ADAMTSL3: variants seen among roughly 807,000 people sequenced by gnomAD.
ADAMTSL3 encodes ADAMTS like 3, also known as ADAMTS-like protein 3.
In ADAMTSL3, 128 loss-of-function variants were observed where a neutral mutation model predicts 201.7. The ratio of observed to expected loss-of-function variants is 0.63; its 90% CI spans 0.55 to 0.73. The LOEUF is 0.73. Ranked by LOEUF, ADAMTSL3 falls within the 30% of genes least tolerant of loss-of-function variation. The probability of loss-of-function intolerance (pLI) is 0.00; values close to 1 mark genes in which losing one functional copy is unlikely to be tolerated. For synonymous variants in ADAMTSL3, 738 were observed against 748.4 expected (o/e 0.99, Z 0.23); for missense variants, 1,990 against 2,119.6 (o/e 0.94, Z 1.20).
chr15:83,802,915 A>G (rs2063547038), intron 4 of ADAMTSL3, among the ~76,000 whole-genome samples: 1 of 152,236 alleles, frequency 6.6e-6, no homozygotes, highest in Non-Finnish European at 1.5e-5. Flanking sequence ...CAATGTGAAC[A>G]TACTTAAACA....
At chr15:83,684,125 G>C (rs1244400303) in intron 2 of ADAMTSL3, among the ~76,000 whole-genome samples, 1 of 152,116 alleles carries the variant, frequency 6.6e-6, no homozygotes, top group Non-Finnish European at 1.5e-5. Context: ...TATCTTGTCA[G>C]CATCCTTGCT....
intron 15 of ADAMTSL3, among the ~76,000 whole-genome samples, chr15:83,899,982 A>G (rs991010912): frequency 1.3e-5 from 2 of 152,246 alleles, no homozygotes; most frequent in African/African-American, 4.8e-5. Flanking sequence ...GTGGTCTGCT[A>G]CACTTAAGAG....
intron 17 of ADAMTSL3, among the ~76,000 whole-genome samples, chr15:83,933,725 T>C (rs1253796712): frequency 6.6e-6 from 1 of 152,204 alleles, no homozygotes; most frequent in African/African-American, 2.4e-5. Flanking sequence ...GATGGTTTCA[T>C]GCTCTAGTCC....
At chr15:83,711,049 G>T (rs1039763281) in intron 3 of ADAMTSL3, among the ~76,000 whole-genome samples, 3 of 152,154 alleles carry the variant, frequency 2.0e-5, no homozygotes, top group African/African-American at 7.2e-5. Flanking sequence ...AATGAAGTCT[G>T]TGTAGTCTTA....
chr15:83,860,329 G>A (rs1311669982), intron 8 of ADAMTSL3, among the ~76,000 whole-genome samples: 1 of 152,188 alleles, frequency 6.6e-6, no homozygotes, highest in Non-Finnish European at 1.5e-5. Context: ...CAGTGAATAT[G>A]GCCGATCAGA....
At chr15:83,744,165 T>TA (rs1211087451) in intron 3 of ADAMTSL3, among the ~76,000 whole-genome samples, 4 of 152,150 alleles carry the variant, frequency 2.6e-5, no homozygotes, top group Non-Finnish European at 5.9e-5. Context: ...TTTTTTATTT[T>TA]AAAAAAAGGC....
At chr15:83,985,006 A>G (rs936000296) in intron 21 of ADAMTSL3, among the ~76,000 whole-genome samples, 16 of 152,244 alleles carry the variant, frequency 1.1e-4, no homozygotes, top group African/African-American at 3.9e-4. Flanking sequence ...TGAAATGTGC[A>G]ATCTGAAACT....
intron 3 of ADAMTSL3, among the ~76,000 whole-genome samples, chr15:83,719,464 C>T (rs1264374316): frequency 6.6e-6 from 1 of 152,108 alleles, no homozygotes; most frequent in Non-Finnish European, 1.5e-5. Flanking sequence ...CTCTTTATGA[C>T]ATTTATAAGA....
chr15:83,920,476 A>G (rs2066118674), intron 16 of ADAMTSL3, among the ~76,000 whole-genome samples: 1 of 152,246 alleles, frequency 6.6e-6, no homozygotes, highest in Admixed American at 6.5e-5. Flanking sequence ...CTTGCATTTT[A>G]ACACCAAACA....
At chr15:83,992,567 A>T (rs896339400) in intron 23 of ADAMTSL3, among the ~76,000 whole-genome samples, 18 of 152,234 alleles carry the variant, frequency 1.2e-4, no homozygotes, top group African/African-American at 4.3e-4. Flanking sequence ...CCTGCAGAGG[A>T]TTCTGAAAAA....
intron 3 of ADAMTSL3, among the ~76,000 whole-genome samples, chr15:83,757,328 C>G (rs2062737523): frequency 6.6e-6 from 1 of 152,248 alleles, no homozygotes; most frequent in African/African-American, 2.4e-5. Flanking sequence ...CTTGACTTCT[C>G]TGCACCCACA....
chr15:83,959,871 C>T (rs545366239), intron 19 of ADAMTSL3, among the ~76,000 whole-genome samples: 1 of 152,184 alleles, frequency 6.6e-6, no homozygotes, highest in Admixed American at 6.5e-5. Flanking sequence ...GAAGACTTTG[C>T]TCCAGAAAAA....
In ADAMTSL3 at chr15:83,858,752, C is replaced by T; in HGVS notation, c.728-14C>T. On this transcript the variant is annotated splice_polypyrimidine_tract_variant and intron_variant, in intron 7 of 29. Transcript: ENST00000286744. ...GTACTGGTTTTATTGCAGTTGCGTT[C>T]TGTTCTTTCCCAGGAGAAGAAAATG... 1 of 1,608,654 alleles carries T rather than the reference C, an allele frequency of 6.2e-7. No homozygotes were observed. The highest frequency in any genetic ancestry group is 8.5e-7 in the Non-Finnish European group (1 of 1,177,600).
chr15:83,913,069 G>T, intron 15 of ADAMTSL3, 23 bp from the exon 16 acceptor site: 1 of 1,608,042 alleles, frequency 6.2e-7, no homozygotes, highest in Non-Finnish European at 8.5e-7. Context: ...GTCCTTTTCT[G>T]GTGGCTTCCT....
rs186888016 is a variant in ADAMTSL3, at chr15:83,684,587, A to G, written c.70-19802A>G. Reference sequence around the variant, plus strand: ...AAGACCCCATCTCTAGGGAAAAAAAACAACCAAAAAACCCACTTTATATAA... The same window carrying G: ...AAGACCCCATCTCTAGGGAAAAAAAGCAACCAAAAAACCCACTTTATATAA... On this transcript the variant is annotated intron_variant, in intron 2 of 29. Coordinates refer to ENST00000286744, the MANE Select transcript of ADAMTSL3 (RefSeq NM_207517.3). Among the ~76,000 whole-genome samples, 5 of 152,238 alleles carry G rather than the reference A, an allele frequency of 3.3e-5. No individual in the cohort carries two copies. In the East Asian group the frequency reaches 9.6e-4, roughly 29 times the overall value.
intron 2 of ADAMTSL3, among the ~76,000 whole-genome samples, chr15:83,699,657 T>G (rs944346291): frequency 1.2e-4 from 19 of 152,242 alleles, no homozygotes; most frequent in Non-Finnish European, 1.5e-4. Context: ...GGCTTTTCCC[T>G]TCCTTCTTTA....
Position 83,931,503 on chromosome 15 carries a change from A to T in ADAMTSL3, c.2117+7470A>T, listed in dbSNP as rs1038828669. 1.3e-5 allele frequency among the ~76,000 whole-genome samples: 2 copies of T among 152,226 alleles called. 1 individual carries two copies. Among genetic ancestry groups the T allele is most frequent in the South Asian group, 4.1e-4 (2 of 4,832 alleles). On this transcript the variant is annotated intron_variant, in intron 17 of 29. Transcript: ENST00000286744. ...ACAGAAACCTTCTGATTATTTAGCT[A>T]TGTAGTCCAATTGTCATCCAAATAT...
intron 20 of ADAMTSL3, among the ~76,000 whole-genome samples, chr15:83,974,352 C>T (rs771125228): frequency 2.0e-4 from 30 of 152,182 alleles, no homozygotes; most frequent in Non-Finnish European, 4.0e-4. Context: ...TTTATACCTA[C>T]CTCACGGGAC....
chr15:83,870,767 T>A, intron 8 of ADAMTSL3, 35 bp from the exon 9 acceptor site: 2 of 1,499,106 alleles, frequency 1.3e-6, no homozygotes, highest in Non-Finnish European at 1.8e-6. Flanking sequence ...ACCTTTAAGA[T>A]TGTTTCTTAT....
Sources: allele counts gnomAD v4.1 joint callset (sites outside exome capture counted in the v4.1 genomes callset), GRCh38; gene constraint gnomAD v4.1.1; transcripts MANE v1.5; gene names NCBI Gene and HGNC (gene_info 2026-07-23, HGNC 2026-07-21).